BICRA: variants seen among roughly 807,000 people sequenced by gnomAD.
BICRA encodes the protein BRD4 interacting chromatin remodeling complex associated protein.
In BICRA, 31 loss-of-function variants were observed where a neutral mutation model predicts 96.9. The ratio of observed to expected loss-of-function variants is 0.32; its 90% confidence interval spans 0.24 to 0.43. The LOEUF is 0.43. Among genes scored for constraint, BICRA ranks in the 20% least tolerant of loss-of-function variants. BICRA has a pLI of 1.00. For missense variants in BICRA, 2,283 were observed against 2,190.3 expected (o/e 1.04, Z -0.84); for synonymous variants, 1,350 against 1,071.8 (o/e 1.26, Z -5.07).
chr19:47,684,615 C>T (rs1285884614), intron 7 of BICRA, among the ~76,000 whole-genome samples: 1 of 152,174 alleles, frequency 6.6e-6, no homozygotes, highest in Non-Finnish European at 1.5e-5. Context: ...ACACCGCGCC[C>T]GGCCTAGCAC....
At chr19:47,629,720 C>T (rs746467401) in intron 1 of BICRA, among the ~76,000 whole-genome samples, 16 of 151,994 alleles carry the variant, frequency 1.1e-4, no homozygotes, top group Admixed American at 2.0e-4. Flanking sequence ...TACAGTGGTG[C>T]GATCTCGACT....
intron 1 of BICRA, among the ~76,000 whole-genome samples, chr19:47,646,742 A>G (rs984468984): frequency 1.3e-5 from 2 of 152,208 alleles, no homozygotes; most frequent in East Asian, 1.9e-4. Flanking sequence ...TCATCCAGCA[A>G]TTATAAAGTA....
intron 1 of BICRA, among the ~76,000 whole-genome samples, chr19:47,656,684 G>A (rs1011813799): frequency 5.3e-5 from 8 of 152,134 alleles, no homozygotes; most frequent in Non-Finnish European, 1.0e-4. Flanking sequence ...CGCGCAGCTT[G>A]ATGTTTTCTG....
chr19:47,685,786 T>TGTGTGTGCGCGCGCGCGCGC, intron 7 of BICRA, among the ~76,000 whole-genome samples: 61 of 117,952 alleles, frequency 5.2e-4, no homozygotes, highest in East Asian at 2.1e-3. Flanking sequence ...TGTGTGTGTG[T>TGTGTGTGCGCGCGCGCGCGC]GCGCGCGCGC....
At chr19:47,622,841 C>T (rs1972085164) in intron 1 of BICRA, among the ~76,000 whole-genome samples, 1 of 151,560 alleles carries the variant, frequency 6.6e-6, no homozygotes, top group African/African-American at 2.4e-5. Context: ...AGTTCAAGAC[C>T]AGCCTGGGCA....
chr19:47,688,773 A>T (rs1049781387), intron 7 of BICRA, among the ~76,000 whole-genome samples: 2 of 151,770 alleles, frequency 1.3e-5, no homozygotes, highest in Non-Finnish European at 2.9e-5. Flanking sequence ...AGCCTGGGTG[A>T]CAGAGCGAGA....
rs372297380 is a variant in BICRA, at chr19:47,673,659, C to T, written c.41+44C>T. 42 of 1,530,746 alleles carry T rather than the reference C, an allele frequency of 2.7e-5. No individual in the cohort carries two copies. In the African/African-American group the frequency reaches 5.6e-4, roughly 20 times the overall value. 94.8% of individuals were successfully genotyped at this position (1,530,746 alleles called of 1,614,324 possible). A position where few individuals can be genotyped will look rare whatever the true frequency, so the allele number is the denominator to read the frequency against. On this transcript the variant is annotated intron_variant, in intron 3 of 14. Coordinates refer to ENST00000594866, the MANE Select transcript of BICRA (RefSeq NM_001394372.1). ...ACCCCCTGCCCTCTGTCTCAACCCC[C>T]TCCCTTCCCTCCCCTCCCCAGCTCC... is the stretch of plus-strand genomic sequence containing the variant.
intron 1 of BICRA, among the ~76,000 whole-genome samples, chr19:47,649,502 C>T (rs1345480845): frequency 6.6e-6 from 1 of 152,166 alleles, no homozygotes; most frequent in Non-Finnish European, 1.5e-5. Flanking sequence ...CACTTCACTT[C>T]CCCACTCACC....
intron 1 of BICRA, among the ~76,000 whole-genome samples, chr19:47,620,749 C>T (rs1972054138): frequency 1.3e-5 from 2 of 151,770 alleles, no homozygotes; most frequent in Non-Finnish European, 2.9e-5. Context: ...ATGACCATCC[C>T]TGGGCTCCAC....
chr19:47,677,049 G>A (rs898696565), intron 5 of BICRA, among the ~76,000 whole-genome samples: 11 of 152,120 alleles, frequency 7.2e-5, no homozygotes, highest in African/African-American at 2.4e-4. Context: ...GCCACTCCCC[G>A]CCACTCACCA....
chr19:47,649,849 A>T (rs1972516417), intron 1 of BICRA, among the ~76,000 whole-genome samples: 3 of 152,220 alleles, frequency 2.0e-5, no homozygotes, highest in Admixed American at 6.5e-5. Context: ...ATAAACTTGG[A>T]AGCTGCTTAG....
chr19:47,646,914 A>G (rs1599812813), intron 1 of BICRA, among the ~76,000 whole-genome samples: 1 of 152,140 alleles, frequency 6.6e-6, no homozygotes. Context: ...CCTCACCTCA[A>G]AAAGAAACTC....
At chr19:47,650,795 G>A (rs569603706) in intron 1 of BICRA, among the ~76,000 whole-genome samples, 3 of 152,084 alleles carry the variant, frequency 2.0e-5, no homozygotes, top group Non-Finnish European at 2.9e-5. Flanking sequence ...AGGGAAATGG[G>A]CTTCACTGAA....
intron 1 of BICRA, among the ~76,000 whole-genome samples, chr19:47,654,065 T>C (rs550444707): frequency 6.6e-6 from 1 of 152,280 alleles, no homozygotes; most frequent in Middle Eastern, 3.4e-3. Context: ...GTGGAATTGC[T>C]GGGCCACGTG....
At chr19:47,693,579 C>G (rs1369633256) in intron 7 of BICRA, among the ~76,000 whole-genome samples, 2 of 152,232 alleles carry the variant, frequency 1.3e-5, no homozygotes, top group African/African-American at 4.8e-5. Flanking sequence ...GCCATCAACC[C>G]CGAGCCATGG....
chr19:47,667,295 G>GT (rs1195158170), intron 1 of BICRA, among the ~76,000 whole-genome samples: 1 of 152,182 alleles, frequency 6.6e-6, no homozygotes, highest in Non-Finnish European at 1.5e-5. Context: ...GATTACAGGC[G>GT]TGAGCCACAG....
intron 1 of BICRA, chr19:47,662,367 G>A (rs2334284): frequency 0.41 from 62,730 of 152,004 alleles, 13,228 homozygotes; most frequent in African/African-American, 0.46. Context: ...GACTGGAAGT[G>A]TGCCAGGCTC....
At chr19:47,640,780 C>CA (rs926534283) in intron 1 of BICRA, among the ~76,000 whole-genome samples, 7 of 152,052 alleles carry the variant, frequency 4.6e-5, no homozygotes, top group Admixed American at 3.3e-4. Flanking sequence ...TTCCTAGCTG[C>CA]AAGAACAGCA....
Position 47,679,807 on chromosome 19 carries a change from G to A in BICRA, c.637G>A (p.Gly213Ser). 1 of 1,483,192 alleles carries A rather than the reference G, an allele frequency of 6.7e-7. No homozygotes were observed. 91.9% of individuals were successfully genotyped at this position (1,483,192 alleles called of 1,614,324 possible). A position where few individuals can be genotyped will look rare whatever the true frequency, so the allele number is the denominator to read the frequency against. The change falls in exon 6 of 15, where the codon GGC becomes AGC. Residue 213 changes from glycine to serine, a missense_variant. Transcript: ENST00000594866. ...LGNVTLQPIPGLQGLPNGSPG... is the reference protein window; with the variant it reads ...LGNVTLQPIPSLQGLPNGSPG... The stretch of plus-strand genomic sequence containing the variant: ...CAATGTGACACTGCAGCCCATCCCG[G>A]GCCTCCAAGGCCTGCCCAATGGCAG...
Sources: gnomAD v4.1 joint callset for allele counts (sites outside exome capture counted in the v4.1 genomes callset) on GRCh38, gnomAD v4.1.1 for gene constraint, MANE v1.5 for transcripts, NCBI Gene and HGNC (gene_info 2026-07-23, HGNC 2026-07-21) for gene names.